Variants in PAPPA2 observed in about 807,000 individuals in gnomAD.
The protein encoded by PAPPA2 is pappalysin 2.
A neutral mutation model predicts 176.4 loss-of-function variants in PAPPA2; 86 were observed. The observed-to-expected ratio is 0.49, with a 90% confidence interval of 0.41 to 0.58. PAPPA2 has a LOEUF of 0.58. Among genes scored for constraint, PAPPA2 ranks in the 20% least tolerant of loss-of-function variants. PAPPA2 has a pLI of 0.00. For missense variants in PAPPA2, 2,073 were observed against 2,256.9 expected (o/e 0.92, Z 1.65); for synonymous variants, 809 against 852.2 (o/e 0.95, Z 0.88).
intron 3 of PAPPA2, among the ~76,000 whole-genome samples, chr1:176,666,602 T>A (rs371346758): frequency 0.045 from 5,366 of 119,058 alleles, 142 homozygotes; most frequent in African/African-American, 0.085. Flanking sequence ...TGTGTGTGTG[T>A]GTGTGTGAGA....
chr1:176,766,425 G>A (rs1663967306), intron 15 of PAPPA2, among the ~76,000 whole-genome samples: 1 of 152,202 alleles, frequency 6.6e-6, no homozygotes, highest in Non-Finnish European at 1.5e-5. Flanking sequence ...TTAACAGGGT[G>A]ACTCAGGAGA....
At position 176,658,657 on chromosome 1, in the gene PAPPA2, G is replaced by A. The variant is rs540348952; in HGVS notation, c.1992-12313G>A. The stretch of plus-strand genomic sequence containing the variant: ...AAGATATAGAAGGAGGATAGCATGA[G>A]CAAAGCAGGGAGGTAGATAAAAAAG... On this transcript the variant is annotated intron_variant, in intron 3 of 22. Coordinates refer to ENST00000367662, the MANE Select transcript of PAPPA2 (RefSeq NM_020318.3). Among the ~76,000 whole-genome samples, 23 of 152,022 alleles carry A rather than the reference G, an allele frequency of 1.5e-4. No individual in the cohort carries two copies. In the South Asian group the frequency reaches 4.6e-3, roughly 30 times the overall value.
intron 20 of PAPPA2, among the ~76,000 whole-genome samples, chr1:176,796,604 T>G (rs1665438078): frequency 2.7e-5 from 1 of 37,180 alleles, no homozygotes. Context: ...CTCTTTCTTT[T>G]CTTTTCTTTT....
intron 9 of PAPPA2, among the ~76,000 whole-genome samples, chr1:176,705,134 G>A (rs1051272072): frequency 6.6e-6 from 1 of 152,124 alleles, no homozygotes; most frequent in Non-Finnish European, 1.5e-5. Flanking sequence ...AAGGCATAAA[G>A]TATTTGGAGA....
intron 1 of PAPPA2, among the ~76,000 whole-genome samples, chr1:176,501,921 C>T (rs1444472655): frequency 1.3e-5 from 2 of 152,080 alleles, no homozygotes; most frequent in Non-Finnish European, 2.9e-5. Context: ...AATTAATGCA[C>T]CCTGGTTCAG....
At chr1:176,507,474 G>A (rs1648342499) in intron 1 of PAPPA2, among the ~76,000 whole-genome samples, 1 of 152,118 alleles carries the variant, frequency 6.6e-6, no homozygotes, top group East Asian at 1.9e-4. Context: ...ATACCAAAAA[G>A]ACACCTGCAC....
At chr1:176,830,765 G>A (rs560712790) in intron 21 of PAPPA2, among the ~76,000 whole-genome samples, 2 of 152,286 alleles carry the variant, frequency 1.3e-5, no homozygotes, top group South Asian at 2.1e-4. Flanking sequence ...GAGGTCTGAT[G>A]GTATGTCATT....
intron 3 of PAPPA2, among the ~76,000 whole-genome samples, chr1:176,659,371 T>C (rs997747357): frequency 1.3e-5 from 2 of 152,076 alleles, no homozygotes; most frequent in African/African-American, 4.8e-5. Context: ...GTAGCTGATA[T>C]TCATTCTGTA....
At chr1:176,548,177 G>A (rs923162376) in intron 1 of PAPPA2, among the ~76,000 whole-genome samples, 3 of 152,174 alleles carry the variant, frequency 2.0e-5, no homozygotes, top group African/African-American at 7.2e-5. Flanking sequence ...CAGTTAAATA[G>A]AAAACATAAC....
chr1:176,728,154 A>G (rs1312790657), intron 12 of PAPPA2, among the ~76,000 whole-genome samples: 1 of 150,196 alleles, frequency 6.7e-6, no homozygotes, highest in Non-Finnish European at 1.5e-5. Flanking sequence ...AGCAGAAATT[A>G]GTAAAATAGA....
chr1:176,606,706 G>T (rs1050866547), intron 3 of PAPPA2, among the ~76,000 whole-genome samples: 5 of 151,936 alleles, frequency 3.3e-5, no homozygotes, highest in African/African-American at 1.2e-4. Context: ...CTTGTGATCT[G>T]CCTGCCTTAG....
At chr1:176,743,457 C>T (rs951018079) in intron 14 of PAPPA2, among the ~76,000 whole-genome samples, 1 of 152,138 alleles carries the variant, frequency 6.6e-6, no homozygotes, top group Admixed American at 6.6e-5. Flanking sequence ...GCCACCAGTG[C>T]TCAAGAAGAG....
At position 176,594,734 on chromosome 1, in the gene PAPPA2, C is replaced by A. The variant is rs748845466; in HGVS notation, c.1130C>A (p.Ala377Asp). ...GCCACTTACGATGGACGGCACATGG[C>A]CCTGTATGTGGATGGCACTCAGGTG... ...VAATYDGRHMALYVDGTQVAS... is the reference protein window; with the variant it reads ...VAATYDGRHMDLYVDGTQVAS... The change falls in exon 3 of 23, where the codon GCC (alanine) becomes GAC (aspartate). Residue 377 changes from alanine to aspartate, a missense_variant. Coordinates refer to ENST00000367662, the MANE Select transcript of PAPPA2 (RefSeq NM_020318.3). 2 of 1,614,228 alleles carry A rather than the reference C, an allele frequency of 1.2e-6. No individual in the cohort carries two copies. The highest frequency in any genetic ancestry group is 2.2e-5 in the South Asian group (2 of 91,086).
intron 3 of PAPPA2, among the ~76,000 whole-genome samples, chr1:176,645,851 A>AT (rs1015684330): frequency 6.6e-6 from 1 of 151,406 alleles, no homozygotes; most frequent in East Asian, 2.0e-4. Flanking sequence ...GATGTTGAGC[A>AT]TTTTTTTCAC....
At chr1:176,474,269 T>C (rs1027984077) in intron 1 of PAPPA2, among the ~76,000 whole-genome samples, 25 of 152,132 alleles carry the variant, frequency 1.6e-4, no homozygotes, top group Non-Finnish European at 1.5e-5. Context: ...GGCTCCTAGG[T>C]TGATGAAGGC....
At position 176,845,195 on chromosome 1, in the gene PAPPA2, C is replaced by T. The variant is rs984678024; in HGVS notation, c.*2741C>T. The T allele has an allele frequency of 4.6e-5, 7 of 152,298 alleles. No homozygotes were observed. The South Asian group carries it at 1.2e-3, about 27-fold the overall frequency. 9.4% of individuals were successfully genotyped at this position (152,298 alleles called of 1,614,324 possible). ...TGCTACTCTTATCCACCCATGTGGT[C>T]ATTGAGAGCCTTTCTCAGAGACTCT... On this transcript the variant is annotated 3_prime_UTR_variant, in exon 23 of 23. Coordinates refer to ENST00000367662, the MANE Select transcript of PAPPA2 (RefSeq NM_020318.3).
At chr1:176,772,444 A>G (rs1190902083) in intron 17 of PAPPA2, among the ~76,000 whole-genome samples, 1 of 152,186 alleles carries the variant, frequency 6.6e-6, no homozygotes, top group Non-Finnish European at 1.5e-5. Context: ...TCAGGAAACT[A>G]TCTGACTCAC....
intron 1 of PAPPA2, among the ~76,000 whole-genome samples, chr1:176,480,097 G>A (rs911527273): frequency 2.0e-5 from 3 of 152,194 alleles, no homozygotes; most frequent in Non-Finnish European, 2.9e-5. Flanking sequence ...TGCTGCTGGA[G>A]AGAAGCCGGC....
intron 2 of PAPPA2, among the ~76,000 whole-genome samples, chr1:176,585,470 T>C (rs1653250811): frequency 6.6e-6 from 1 of 152,150 alleles, no homozygotes; most frequent in South Asian, 2.1e-4. Flanking sequence ...GAGGACTTGT[T>C]TGGATTAAAT....
Sources: allele counts gnomAD v4.1 joint callset (sites outside exome capture counted in the v4.1 genomes callset), GRCh38; gene constraint gnomAD v4.1.1; transcripts MANE v1.5; gene names NCBI Gene and HGNC (gene_info 2026-07-23, HGNC 2026-07-21).